The following SLC38A8 variants were observed in gnomAD, a reference collection of about 807,000 sequenced individuals.
SLC38A8 encodes the protein solute carrier family 38 member 8.
Under a neutral mutation model 46.0 loss-of-function variants are expected in SLC38A8, and 65 were observed. That is an observed-to-expected ratio of 1.41 (90% CI 1.16 to 1.74). SLC38A8 has a LOEUF of 1.74. Ranked by LOEUF, SLC38A8 falls within the 40% of genes most tolerant of loss-of-function variation. SLC38A8 has a pLI of 0.00. For missense variants in SLC38A8, 998 were observed against 567.9 expected, an observed-to-expected ratio of 1.76 and a Z score of -7.70; for synonymous variants, 447 against 243.7, an observed-to-expected ratio of 1.83 and a Z score of -7.77.
chr16:84,027,433 A>C (rs1034860213), intron 6 of SLC38A8, among the ~76,000 whole-genome samples: 18 of 151,998 alleles, frequency 1.2e-4, no homozygotes, highest in African/African-American at 4.4e-4. Context: ...GGGAGTGGAC[A>C]CAACCCCTCT....
chr16:84,025,832 G>A (rs1004167837), intron 6 of SLC38A8, among the ~76,000 whole-genome samples: 7 of 152,228 alleles, frequency 4.6e-5, no homozygotes, highest in African/African-American at 1.2e-4. Flanking sequence ...CCGCTGGCGC[G>A]TTGACCTCAG....
At chr16:84,012,232 A>C (rs992276141) in intron 10 of SLC38A8, among the ~76,000 whole-genome samples, 1 of 152,234 alleles carries the variant, frequency 6.6e-6, no homozygotes, top group East Asian at 1.9e-4. Flanking sequence ...GTCACCCAGA[A>C]CCCCAGACTA....
intron 1 of SLC38A8, 68 bp downstream of exon 1, chr16:84,042,483 T>G: frequency 9.3e-5 from 19 of 204,560 alleles, no homozygotes; most frequent in East Asian, 1.2e-4. Context: ...TCTCCCCCCA[T>G]TCCCATCCAC....
chr16:84,018,739 G>T (rs1443657170), intron 7 of SLC38A8, among the ~76,000 whole-genome samples: 2 of 152,192 alleles, frequency 1.3e-5, no homozygotes, highest in African/African-American at 2.4e-5. Context: ...ACACAGTGAT[G>T]TCTGATGAAG....
rs1337214816 is a variant in SLC38A8, at chr16:84,029,539, C to A, written c.645G>T (p.Trp215Cys). 1 of 1,613,914 alleles carries A rather than the reference C, an allele frequency of 6.2e-7. No individual in the cohort carries two copies. Among genetic ancestry groups the A allele is most frequent in the Non-Finnish European group, 8.5e-7 (1 of 1,180,000 alleles). ...ESHPSLSPAS[W>C]TSVFSVFPTI... Reference sequence around the variant, plus strand: ...TGGGGAAGACACTGAACACAGAGGTCCAGGAGGCAGGGCTGTAAACAGACA... The same window carrying A: ...TGGGGAAGACACTGAACACAGAGGTACAGGAGGCAGGGCTGTAAACAGACA... Residue 215 changes from tryptophan (W) to cysteine (C), a missense_variant, in exon 6 of 11, where the codon TGG (tryptophan) becomes TGT (cysteine). Transcript: ENST00000299709.
intron 8 of SLC38A8, 27 bp downstream of exon 8, chr16:84,017,113 G>T (rs754274344): frequency 2.5e-6 from 4 of 1,612,604 alleles, no homozygotes; most frequent in Non-Finnish European, 2.5e-6. Flanking sequence ...CATGCTTCAC[G>T]GTGCCCCCCA....
rs1222369501 is a variant in SLC38A8 at position 84,016,649 on chromosome 16, C to A, written c.1032G>T (p.Leu344=). Reference sequence around the variant, plus strand: ...GGATGGTCAGCGGCATCCGGACCCACAGCCCTGAGGGGTCGGCCAGGGCGC... The same window carrying A: ...GGATGGTCAGCGGCATCCGGACCCAAAGCCCTGAGGGGTCGGCCAGGGCGC... The part of the protein sequence containing the change: ...GPSALADPSG[L]WVRMPLTILW... The change falls in exon 9 of 11, where the codon CTG becomes CTT. Residue 344 remains leucine (L), a synonymous_variant. Transcript: ENST00000299709. 1.9e-6 allele frequency: 3 copies of A among 1,613,764 alleles called. No homozygotes were observed. The highest frequency in any genetic ancestry group is 1.3e-5 in the African/African-American group (1 of 74,952).
In SLC38A8 at chr16:84,017,125, T is replaced by G; in HGVS notation, c.953+15A>C. On this transcript the variant is annotated intron_variant, in intron 8 of 10. Coordinates refer to ENST00000299709, the MANE Select transcript of SLC38A8 (RefSeq NM_001080442.3). ...GACCATGCTTCACGGTGCCCCCCAC[T>G]GAGCCAGGCCTCACCTCCCCAGGAA... The G allele has an allele frequency of 1.2e-6, 2 of 1,613,614 alleles. No individual in the cohort carries two copies. Among genetic ancestry groups the G allele is most frequent in the Non-Finnish European group, 1.7e-6 (2 of 1,179,830 alleles).
intron 9 of SLC38A8, among the ~76,000 whole-genome samples, chr16:84,015,332 A>G (rs1465900145): frequency 6.6e-6 from 1 of 151,782 alleles, no homozygotes; most frequent in Non-Finnish European, 1.5e-5. Flanking sequence ...CTTCTCAGAT[A>G]ATGCTTGGGC....
intron 5 of SLC38A8, among the ~76,000 whole-genome samples, chr16:84,029,946 A>T (rs11863317): frequency 2.0e-5 from 3 of 152,152 alleles, no homozygotes; most frequent in Non-Finnish European, 4.4e-5. Context: ...GCTCTGTCCA[A>T]GCCACCTAAG....
At chr16:84,014,433 C>A (rs2084999622) in intron 9 of SLC38A8, among the ~76,000 whole-genome samples, 2 of 151,688 alleles carry the variant, frequency 1.3e-5, no homozygotes, top group African/African-American at 2.4e-5. Flanking sequence ...TGTGGCCACA[C>A]CCCTCACCTC....
chr16:84,017,730 G>A (rs140189540), intron 7 of SLC38A8, among the ~76,000 whole-genome samples: 105 of 152,294 alleles, frequency 6.9e-4, no homozygotes, highest in Non-Finnish European at 1.3e-3. Context: ...GCTAGTTTTC[G>A]TGGACTGAGG....
At chr16:84,030,542 C>T (rs2085225586) in intron 5 of SLC38A8, among the ~76,000 whole-genome samples, 1 of 152,042 alleles carries the variant, frequency 6.6e-6, no homozygotes, top group African/African-American at 2.4e-5. Context: ...TAGATGTCTC[C>T]AGGTCGGCTC....
chr16:84,012,847 A>C (rs931745349), intron 10 of SLC38A8, among the ~76,000 whole-genome samples, 154 bp downstream of exon 10: 5 of 152,178 alleles, frequency 3.3e-5, no homozygotes, highest in African/African-American at 9.6e-5. Context: ...AGATGCCCTC[A>C]TACTGGGTAG....
At chr16:84,023,259 C>G (rs572690993) in intron 6 of SLC38A8, among the ~76,000 whole-genome samples, 1 of 152,162 alleles carries the variant, frequency 6.6e-6, no homozygotes, top group African/African-American at 2.4e-5. Flanking sequence ...TCAACTGAGG[C>G]TAGTTTAGAT....
At chr16:84,040,741 T>G (rs970751847) in intron 2 of SLC38A8, among the ~76,000 whole-genome samples, 2 of 152,074 alleles carry the variant, frequency 1.3e-5, no homozygotes, top group African/African-American at 4.8e-5. Context: ...CCGAGAGGCT[T>G]CCGACCACGC....
chr16:84,025,862 T>C (rs1213807396), intron 6 of SLC38A8, among the ~76,000 whole-genome samples: 1 of 152,224 alleles, frequency 6.6e-6, no homozygotes, highest in Non-Finnish European at 1.5e-5. Flanking sequence ...ACCCCTGCTC[T>C]CTGGCCCCAG....
chr16:84,036,340 G>C (rs1231753548), intron 3 of SLC38A8, among the ~76,000 whole-genome samples: 6 of 152,358 alleles, frequency 3.9e-5, no homozygotes, highest in African/African-American at 1.4e-4. Context: ...TCGAGGCCAA[G>C]GTTGGTGAGG....
chr16:84,039,234 G>A (rs58019821), intron 2 of SLC38A8, among the ~76,000 whole-genome samples: 10,366 of 152,250 alleles, frequency 0.068, 442 homozygotes, highest in East Asian at 0.2. Flanking sequence ...AGAACTGTGA[G>A]AGAATACATT....
Sources: allele counts gnomAD v4.1 joint callset (sites outside exome capture counted in the v4.1 genomes callset), GRCh38; gene constraint gnomAD v4.1.1; transcripts MANE v1.5; gene names NCBI Gene and HGNC (gene_info 2026-07-23, HGNC 2026-07-21).